The following CCDC174 variants were observed in gnomAD, a reference collection of about 807,000 sequenced individuals.
CCDC174 encodes coiled-coil domain containing 174, also known as coiled-coil domain-containing protein 174.
Under a neutral mutation model 57.1 loss-of-function variants are expected in CCDC174, and 37 were observed. The ratio of observed to expected loss-of-function variants is 0.65; its 90% CI spans 0.50 to 0.85. The LOEUF (loss-of-function observed/expected upper bound fraction) is 0.85. Ranked by LOEUF, CCDC174 falls within the 40% of genes least tolerant of loss-of-function variation. The probability of loss-of-function intolerance (pLI) is 0.00; values close to 1 mark genes in which losing one functional copy is unlikely to be tolerated. For synonymous variants in CCDC174, 182 were observed against 190.2 expected (o/e 0.96, Z 0.35); for missense variants, 540 against 574.3 (o/e 0.94, Z 0.61).
At chr3:14,651,960 C>A in intron 1 of CCDC174, 82 bp downstream of exon 1, 1 of 1,407,636 alleles carries the variant, frequency 7.1e-7, no homozygotes, top group Non-Finnish European at 1.0e-6. Flanking sequence ...TAGCTTGTTT[C>A]TTCACTCGGG....
chr3:14,660,364 C>T (rs1337977215), intron 4 of CCDC174, among the ~76,000 whole-genome samples: 6 of 152,168 alleles, frequency 3.9e-5, no homozygotes, highest in South Asian at 2.1e-4. Context: ...ATTTGCCAGG[C>T]GTGGTGGCAG....
chr3:14,654,572 G>A (rs780230903), intron 2 of CCDC174, 42 bp downstream of exon 2: 28 of 957,110 alleles, frequency 2.9e-5, no homozygotes, highest in Admixed American at 2.6e-4. Flanking sequence ...TTCCAAACAT[G>A]GGAGAATTAT....
chr3:14,666,564 A>G (rs2031345753), intron 6 of CCDC174, among the ~76,000 whole-genome samples: 1 of 152,054 alleles, frequency 6.6e-6, no homozygotes, highest in South Asian at 2.1e-4. Flanking sequence ...CCGAGGTTGC[A>G]GTGAGCCGAG....
chr3:14,652,307 G>A (rs539179867), intron 1 of CCDC174, among the ~76,000 whole-genome samples: 127 of 152,302 alleles, frequency 8.3e-4, no homozygotes, highest in African/African-American at 3.0e-3. Context: ...CAGAACTTTA[G>A]AGTGTGACAT....
Position 14,665,805 on chromosome 3 carries a change from C to T in CCDC174, c.581+682C>T, listed in dbSNP as rs372865479. Among the ~76,000 whole-genome samples, 6 of 151,262 alleles carry T rather than the reference C, an allele frequency of 4.0e-5. No individual in the cohort carries two copies. In the South Asian group the frequency reaches 6.2e-4, roughly 16 times the overall value. On this transcript the variant is annotated intron_variant, in intron 6 of 10. Transcript: ENST00000383794. ...CAGCACTTTGGGAGGCCGAGGCGGG[C>T]GGATCACAAGGTTAGGAGTTCGAGA...
In CCDC174 at chr3:14,654,419, A is replaced by T. The variant is rs2030879757; in HGVS notation, c.43-7A>T. 6.7e-7 allele frequency: 1 copy of T among 1,491,194 alleles called. No homozygotes were observed. Among genetic ancestry groups the T allele is most frequent in the African/African-American group, 1.4e-5 (1 of 71,806 alleles). 92.4% of individuals were successfully genotyped at this position (1,491,194 alleles called of 1,614,324 possible). On this transcript the variant is annotated splice_region_variant and splice_polypyrimidine_tract_variant and intron_variant, in intron 1 of 10. Transcript: ENST00000383794. ...ATATTTTTGTTTACTTACTGCTTTCATTCTAGTTGGTAGATCTTAAGGCTG... is the reference window on the plus strand; with the variant it reads ...ATATTTTTGTTTACTTACTGCTTTCTTTCTAGTTGGTAGATCTTAAGGCTG...
rs377162756 is a variant in CCDC174, at chr3:14,671,208, G to A, written c.*14G>A. On this transcript the variant is annotated 3_prime_UTR_variant, in exon 11 of 11. Transcript: ENST00000383794. ...CAAGTGACATGATCTTTCAAAGCACGCTGACTTGGGTTTGTACTTTGACAG... is the reference window on the plus strand; with the variant it reads ...CAAGTGACATGATCTTTCAAAGCACACTGACTTGGGTTTGTACTTTGACAG... 9.5e-5 allele frequency: 151 copies of A among 1,595,378 alleles called. No homozygotes were observed. The highest frequency in any genetic ancestry group is 1.2e-4 in the Non-Finnish European group (137 of 1,168,640).
chr3:14,669,012 C>G (rs2031429753), intron 9 of CCDC174, among the ~76,000 whole-genome samples: 3 of 152,182 alleles, frequency 2.0e-5, no homozygotes, highest in Non-Finnish European at 4.4e-5. Flanking sequence ...AGCCACCTTC[C>G]TTTTTAGAGA....
rs1055847125 is a variant in CCDC174 at position 14,661,682 on chromosome 3, C to G, written c.460C>G (p.Pro154Ala). The G allele has an allele frequency of 6.2e-7, 1 of 1,613,780 alleles. No individual in the cohort carries two copies. Among genetic ancestry groups the G allele is most frequent in the Non-Finnish European group, 8.5e-7 (1 of 1,179,820 alleles). Residue 154 changes from proline to alanine, a missense_variant, in exon 5 of 11, where the codon CCT becomes GCT. Pro to Ala is a conservative substitution (Grantham distance 27, BLOSUM62 -1). Transcript: ENST00000383794. ...EENLPEGEIPPPQDPSEEWVD... is the reference protein window; with the variant it reads ...EENLPEGEIPAPQDPSEEWVD... ...AAACCTTCCTGAGGGAGAGATCCCT[C>G]CTCCCCAAGACCCCAGTGAAGAATG...
intron 5 of CCDC174, among the ~76,000 whole-genome samples, chr3:14,663,380 G>A (rs975782221): frequency 1.3e-5 from 2 of 152,086 alleles, no homozygotes; most frequent in East Asian, 3.9e-4. Context: ...CCTGCTCTTC[G>A]GGTATTACCT....
At chr3:14,659,047 C>A in intron 4 of CCDC174, 118 bp downstream of exon 4, 1 of 950,554 alleles carries the variant, frequency 1.1e-6, no homozygotes, top group Non-Finnish European at 1.5e-6. Context: ...CAAAATTTTA[C>A]TTTCCATGGC....
At chr3:14,661,912 A>AT (rs201420383) in intron 5 of CCDC174, 1 of 471,812 alleles carries the variant, frequency 2.1e-6, no homozygotes, top group Non-Finnish European at 3.8e-6. Flanking sequence ...CAATAATTAC[A>AT]ATAATTACAT....
intron 3 of CCDC174, among the ~76,000 whole-genome samples, 164 bp downstream of exon 3, chr3:14,655,793 G>A (rs905166847): frequency 6.6e-6 from 1 of 152,112 alleles, no homozygotes; most frequent in Non-Finnish European, 1.5e-5. Flanking sequence ...AGATATATCT[G>A]TAGTCTTATA....
rs141486385 is a variant in CCDC174 at position 14,656,531 on chromosome 3, G to C, written c.248+902G>C. ...TTGAATCACATCAGGAGGCTCATAAGGTCAGTTTGAGTCGTTATTGGTGTT... is the reference window on the plus strand; with the variant it reads ...TTGAATCACATCAGGAGGCTCATAACGTCAGTTTGAGTCGTTATTGGTGTT... On this transcript the variant is annotated intron_variant, in intron 3 of 10. Coordinates refer to ENST00000383794, the MANE Select transcript of CCDC174 (RefSeq NM_016474.5). 8.9e-4 allele frequency among the ~76,000 whole-genome samples: 136 copies of C among 152,306 alleles called. 1 individual carries two copies. The highest frequency in any genetic ancestry group is 3.1e-3 in the African/African-American group (128 of 41,544).
intron 3 of CCDC174, among the ~76,000 whole-genome samples, chr3:14,657,693 C>T (rs901140972): frequency 1.3e-5 from 2 of 152,218 alleles, no homozygotes; most frequent in Non-Finnish European, 2.9e-5. Context: ...TTTTGCTCAG[C>T]ACCCTCTGCT....
intron 6 of CCDC174, among the ~76,000 whole-genome samples, chr3:14,666,397 C>T (rs1305375110): frequency 1.2e-4 from 19 of 152,106 alleles, no homozygotes; most frequent in Admixed American, 9.8e-4. Context: ...CCAAGGCAGG[C>T]GGATCTCCTG....
chr3:14,651,807 C>T lies in CCDC174; in HGVS notation c.-30C>T, dbSNP rs777816736. 6.2e-6 allele frequency: 10 copies of T among 1,613,640 alleles called. No individual in the cohort carries two copies. Among genetic ancestry groups the T allele is most frequent in the African/African-American group, 1.3e-5 (1 of 75,034 alleles). The stretch of plus-strand genomic sequence containing the variant: ...AGGCCTGTGTCGGGTAGAAAGGGTC[C>T]TTCCTGGACCGGGACCCTCTGCCAC... On this transcript the variant is annotated 5_prime_UTR_variant, in exon 1 of 11. Coordinates refer to ENST00000383794, the MANE Select transcript of CCDC174 (RefSeq NM_016474.5).
intron 7 of CCDC174, 85 bp from the exon 8 acceptor site, chr3:14,667,339 T>A (rs1481606489): frequency 2.9e-6 from 3 of 1,029,376 alleles, no homozygotes; most frequent in Non-Finnish European, 4.5e-6. Flanking sequence ...ACTGTGTTTC[T>A]TTTTGCTTTG....
At chr3:14,661,187 C>A (rs941832072) in intron 4 of CCDC174, among the ~76,000 whole-genome samples, 3 of 152,198 alleles carry the variant, frequency 2.0e-5, no homozygotes, top group Admixed American at 6.5e-5. Flanking sequence ...TCTGATGACA[C>A]GGAAAATGCA....
Sources: allele counts gnomAD v4.1 joint callset (sites outside exome capture counted in the v4.1 genomes callset), GRCh38; gene constraint gnomAD v4.1.1; transcripts MANE v1.5; gene names NCBI Gene and HGNC (gene_info 2026-07-23, HGNC 2026-07-21).